The following NR2F1-AS1 variants were observed in gnomAD, a reference collection of about 807,000 sequenced individuals.
NR2F1-AS1 encodes NR2F1 regulatory antisense RNA 1, also known as NR2F1 antisense RNA 1.
chr5:93,572,794 T>C lies in NR2F1-AS1; in HGVS notation n.313+7673A>G, dbSNP rs913807302. Among the ~76,000 whole-genome samples, 13 of 152,234 alleles carry C rather than the reference T, an allele frequency of 8.5e-5. 1 individual carries two copies. Among genetic ancestry groups the C allele is most frequent in the African/African-American group, 3.1e-4 (13 of 41,464 alleles). On this transcript the variant is annotated intron_variant and non_coding_transcript_variant, in intron 1 of 5. Coordinates refer to ENST00000660523, the Ensembl canonical transcript of NR2F1-AS1. The stretch of plus-strand genomic sequence containing the variant: ...TCATTACGCCTTTATCCCCATCAAT[T>C]AACCACACCTCAGAGGGCTGCTATT...
At chr5:93,463,580 G>A (rs531362765) in intron 4 of NR2F1-AS1, among the ~76,000 whole-genome samples, 29 of 152,248 alleles carry the variant, frequency 1.9e-4, no homozygotes, top group Non-Finnish European at 3.7e-4. Flanking sequence ...CCATGTGCCT[G>A]GAAAAGCTAC....
At chr5:93,542,357 T>C (rs1479415325) in intron 4 of NR2F1-AS1, 2 of 152,094 alleles carry the variant, frequency 1.3e-5, no homozygotes, top group African/African-American at 4.8e-5. Context: ...GACCTTGGCA[T>C]TATTGATATT....
chr5:93,547,093 C>T (rs941938376), intron 4 of NR2F1-AS1, among the ~76,000 whole-genome samples: 1 of 152,112 alleles, frequency 6.6e-6, no homozygotes, highest in African/African-American at 2.4e-5. Context: ...CCAGTCCCCA[C>T]AATTGTGTGA....
upstream of NR2F1-AS1, among the ~76,000 whole-genome samples, chr5:93,582,484 C>G (rs1753125540): frequency 1.3e-5 from 2 of 151,916 alleles, no homozygotes; most frequent in Admixed American, 6.6e-5. Flanking sequence ...CTACTTGTTT[C>G]TAAAAAGGAT....
intron 4 of NR2F1-AS1, chr5:93,423,336 T>C (rs1263703735): frequency 6.6e-6 from 1 of 152,196 alleles, no homozygotes; most frequent in Non-Finnish European, 1.5e-5. Flanking sequence ...AAGAACTAGA[T>C]AGGCTGATGG....
intron 4 of NR2F1-AS1, among the ~76,000 whole-genome samples, chr5:93,493,984 A>T (rs1240243296): frequency 6.6e-6 from 1 of 152,204 alleles, no homozygotes; most frequent in Non-Finnish European, 1.5e-5. Context: ...TAAAAGTAAA[A>T]ACAGATATGT....
intron 4 of NR2F1-AS1, among the ~76,000 whole-genome samples, chr5:93,419,497 T>C (rs1749041434): frequency 6.6e-6 from 1 of 152,152 alleles, no homozygotes; most frequent in South Asian, 2.1e-4. Context: ...AGTTTGAAAC[T>C]ATAGTGTGTG....
intron 4 of NR2F1-AS1, among the ~76,000 whole-genome samples, chr5:93,512,105 G>A (rs532712121): frequency 1.3e-5 from 2 of 152,266 alleles, no homozygotes; most frequent in East Asian, 3.9e-4. Flanking sequence ...TATTCCAAAA[G>A]AAGGCATTAT....
intron 1 of NR2F1-AS1, among the ~76,000 whole-genome samples, chr5:93,565,454 A>G (rs1261922006): frequency 6.6e-6 from 1 of 152,118 alleles, no homozygotes; most frequent in Non-Finnish European, 1.5e-5. Context: ...TTTTTAGAAC[A>G]TGTAAAAAAA....
intron 4 of NR2F1-AS1, among the ~76,000 whole-genome samples, chr5:93,415,713 C>A (rs1561424766): frequency 6.6e-6 from 1 of 152,204 alleles, no homozygotes; most frequent in Non-Finnish European, 1.5e-5. Flanking sequence ...CTGTCCCTGC[C>A]TGTTATTATT....
intron 1 of NR2F1-AS1, among the ~76,000 whole-genome samples, chr5:93,567,060 C>A (rs57308359): frequency 0.018 from 2,575 of 144,912 alleles, 77 homozygotes; most frequent in African/African-American, 0.064. Context: ...TTAAACAGTT[C>A]TATTTCTATC....
At chr5:93,528,317 A>C (rs926055185) in intron 4 of NR2F1-AS1, among the ~76,000 whole-genome samples, 1 of 152,220 alleles carries the variant, frequency 6.6e-6, no homozygotes, top group East Asian at 1.9e-4. Flanking sequence ...ATGTACTAAA[A>C]AAAGAGAAAT....
At chr5:93,516,686 C>G (rs1397254054) in intron 4 of NR2F1-AS1, among the ~76,000 whole-genome samples, 2 of 151,800 alleles carry the variant, frequency 1.3e-5, no homozygotes, top group Admixed American at 6.6e-5. Context: ...AGACCGTAAC[C>G]CAGATGTTCT....
chr5:93,558,662 A>AT (rs1457289236), intron 2 of NR2F1-AS1, among the ~76,000 whole-genome samples: 7 of 152,194 alleles, frequency 4.6e-5, no homozygotes, highest in African/African-American at 1.7e-4. Flanking sequence ...GAAAGTTGAA[A>AT]TTACTCCTTG....
chr5:93,567,305 A>C (rs1359040448), intron 1 of NR2F1-AS1, among the ~76,000 whole-genome samples: 1 of 152,138 alleles, frequency 6.6e-6, no homozygotes, highest in Non-Finnish European at 1.5e-5. Context: ...ATGCTTCCTT[A>C]AGATCTATTA....
intron 1 of NR2F1-AS1, among the ~76,000 whole-genome samples, chr5:93,567,756 T>C (rs944495514): frequency 9.2e-5 from 14 of 152,196 alleles, no homozygotes; most frequent in African/African-American, 2.9e-4. Flanking sequence ...TAGATTTCAG[T>C]TGATTGCCTA....
chr5:93,569,257 CT>C (rs1752688083), intron 1 of NR2F1-AS1, among the ~76,000 whole-genome samples: 1 of 152,102 alleles, frequency 6.6e-6, no homozygotes, highest in South Asian at 2.1e-4. Flanking sequence ...GAAAATTAAC[CT>C]TCTTAAAAGC....
intron 4 of NR2F1-AS1, among the ~76,000 whole-genome samples, chr5:93,511,984 T>A (rs901328280): frequency 6.6e-6 from 1 of 152,176 alleles, no homozygotes; most frequent in Non-Finnish European, 1.5e-5. Flanking sequence ...TAGTACTTGA[T>A]AATGATAATA....
chr5:93,479,307 G>A lies in NR2F1-AS1; in HGVS notation n.638+74454C>T, dbSNP rs141841491. On this transcript the variant is annotated intron_variant and non_coding_transcript_variant, in intron 4 of 5. Coordinates refer to ENST00000660523, the Ensembl canonical transcript of NR2F1-AS1. ...GATGGTTCAACCATGATGGGCTGACGCAGCTTCCCAGGCATCAGCTGAAGG... is the reference window on the plus strand; with the variant it reads ...GATGGTTCAACCATGATGGGCTGACACAGCTTCCCAGGCATCAGCTGAAGG... Among the ~76,000 whole-genome samples, 28 of 152,304 alleles carry A rather than the reference G, an allele frequency of 1.8e-4. No individual in the cohort carries two copies. In the East Asian group the frequency reaches 3.3e-3, roughly 18 times the overall value.
Sources: allele counts gnomAD v4.1 joint callset (sites outside exome capture counted in the v4.1 genomes callset), GRCh38; gene constraint gnomAD v4.1.1; transcripts MANE v1.5; gene names NCBI Gene and HGNC (gene_info 2026-07-23, HGNC 2026-07-21).